Variants in NAALADL2 observed in about 807,000 individuals in gnomAD.
NAALADL2 encodes the protein inactive N-acetylated-alpha-linked acidic dipeptidase-like protein 2.
NAALADL2 carries 76 observed loss-of-function variants against 87.2 expected under a neutral mutation model. The observed-to-expected ratio is 0.87, with a 90% confidence interval of 0.72 to 1.05. The LOEUF (loss-of-function observed/expected upper bound fraction) is 1.05. NAALADL2 is among the 50% of genes least tolerant of loss of function. The pLI is 0.00. For synonymous variants in NAALADL2, 354 were observed against 331.0 expected, an observed-to-expected ratio of 1.07 and a Z score of -0.75; for missense variants, 1,089 against 945.8, an observed-to-expected ratio of 1.15 and a Z score of -1.99.
intron 1 of NAALADL2, among the ~76,000 whole-genome samples, chr3:174,922,989 G>C (rs934816803): frequency 6.6e-6 from 1 of 152,010 alleles, no homozygotes; most frequent in African/African-American, 2.4e-5. Context: ...AGTATCTTTG[G>C]GGAGATACTT....
chr3:174,813,016 C>A (rs921128142), intron 3 of NAALADL2, among the ~76,000 whole-genome samples: 4 of 151,960 alleles, frequency 2.6e-5, no homozygotes, highest in Non-Finnish European at 5.9e-5. Context: ...TTTAGTGTAG[C>A]CCAAATGTAC....
intron 1 of NAALADL2, among the ~76,000 whole-genome samples, chr3:174,948,278 G>A (rs1739774547): frequency 6.6e-6 from 1 of 152,112 alleles, no homozygotes; most frequent in African/African-American, 2.4e-5. Context: ...CCGGGTTGAA[G>A]CAGTTCTCTT....
intron 3 of NAALADL2, among the ~76,000 whole-genome samples, chr3:174,740,839 A>G (rs1733693674): frequency 6.6e-6 from 1 of 151,766 alleles, no homozygotes; most frequent in South Asian, 2.1e-4. Context: ...GCTGCCAGAG[A>G]TTTTCTAACA....
At chr3:174,979,600 C>A (rs966798533) in intron 1 of NAALADL2, among the ~76,000 whole-genome samples, 1 of 152,074 alleles carries the variant, frequency 6.6e-6, no homozygotes, top group South Asian at 2.1e-4. Context: ...CCACCACACC[C>A]AGCCCATTTT....
chr3:175,221,442 T>C (rs377169508), intron 2 of NAALADL2, among the ~76,000 whole-genome samples: 1 of 152,150 alleles, frequency 6.6e-6, no homozygotes, highest in Non-Finnish European at 1.5e-5. Context: ...TGTGCACTTA[T>C]AAAGTTATTG....
intron 4 of NAALADL2, among the ~76,000 whole-genome samples, chr3:175,317,283 G>A (rs1014529279): frequency 3.3e-5 from 5 of 151,822 alleles, no homozygotes; most frequent in African/African-American, 9.7e-5. Flanking sequence ...AATAGTTATT[G>A]TACTTACCTT....
At chr3:174,908,372 C>T (rs115405318) in intron 1 of NAALADL2, among the ~76,000 whole-genome samples, 1 of 152,020 alleles carries the variant, frequency 6.6e-6, no homozygotes, top group African/African-American at 2.4e-5. Context: ...ATCAAGCACG[C>T]CAGATGGAAA....
At position 174,463,819 on chromosome 3, in the gene NAALADL2, C is replaced by A. The variant is rs904819653; in HGVS notation, c.-184+22787C>A. ...ATTTCACCGTGTTAGCCAGGATGGT[C>A]TTGATCTCGACCTTGTGATCCGCCT... is the stretch of plus-strand genomic sequence containing the variant. On this transcript the variant is annotated intron_variant, in intron 1 of 3. Coordinates refer to the NAALADL2 transcript ENST00000434257. 5.3e-5 allele frequency among the ~76,000 whole-genome samples: 8 copies of A among 152,080 alleles called. No individual in the cohort carries two copies. In the East Asian group the frequency reaches 1.5e-3, roughly 29 times the overall value.
intron 2 of NAALADL2, among the ~76,000 whole-genome samples, chr3:175,213,163 T>A (rs1742017920): frequency 6.6e-6 from 1 of 152,176 alleles, no homozygotes; most frequent in Non-Finnish European, 1.5e-5. Context: ...AGAGGCTAAA[T>A]AACTTGTCCA....
At position 175,810,004 on chromosome 3, in the gene NAALADL2, G is replaced by A. The variant is rs1283607662; in HGVS notation, c.*6801G>A. 1.3e-5 allele frequency: 2 copies of A among 152,012 alleles called. No homozygotes were observed. Among genetic ancestry groups the A allele is most frequent in the Non-Finnish European group, 2.9e-5 (2 of 67,964 alleles). The allele number at this position is 152,012 out of a possible 1,614,324, so 9.4% of individuals were successfully genotyped here. A position where few individuals can be genotyped will look rare whatever the true frequency, so the allele number is the denominator to read the frequency against. ...AGAGGTGTCCCAATTACTAAATTAT[G>A]TTGAACTGTTGTGGTGTTTAGCCTT... On this transcript the variant is annotated 3_prime_UTR_variant, in exon 14 of 14. Transcript: ENST00000454872.
chr3:174,971,854 C>T (rs886643460), intron 1 of NAALADL2, among the ~76,000 whole-genome samples: 11 of 152,202 alleles, frequency 7.2e-5, no homozygotes, highest in South Asian at 4.2e-4. Context: ...CATGCCACGA[C>T]GCCCAGCTAA....
chr3:174,667,827 AAAG>A (rs900649760), intron 2 of NAALADL2, among the ~76,000 whole-genome samples: 3 of 152,278 alleles, frequency 2.0e-5, no homozygotes, highest in Non-Finnish European at 2.9e-5. Context: ...GAATTGGAAA[AAAG>A]AAGAGAAAAT....
At chr3:175,639,318 C>CTTTTTTTTTTTTTTTTTTTTTTTT (rs756214274) in intron 11 of NAALADL2, among the ~76,000 whole-genome samples, 3 of 108,764 alleles carry the variant, frequency 2.8e-5, no homozygotes, top group African/African-American at 1.2e-4. Context: ...AAGCGTTATT[C>CTTTTTTTTTTTTTTTTTTTTTTTT]TTTTTTTTTT....
chr3:175,596,427 G>A (rs1044777106), intron 10 of NAALADL2, among the ~76,000 whole-genome samples: 3 of 151,886 alleles, frequency 2.0e-5, no homozygotes, highest in African/African-American at 7.2e-5. Context: ...CTCACAGAAG[G>A]CACGTCCTTA....
At chr3:175,531,909 G>T (rs895428365) in intron 9 of NAALADL2, among the ~76,000 whole-genome samples, 1 of 152,190 alleles carries the variant, frequency 6.6e-6, no homozygotes, top group African/African-American at 2.4e-5. Context: ...CATCTTTCAC[G>T]TCCTTGATGG....
At chr3:175,134,085 C>G (rs1319184964) in intron 2 of NAALADL2, among the ~76,000 whole-genome samples, 1 of 152,166 alleles carries the variant, frequency 6.6e-6, no homozygotes, top group Non-Finnish European at 1.5e-5. Flanking sequence ...TTCACACACA[C>G]ACATTTGCAG....
intron 1 of NAALADL2, among the ~76,000 whole-genome samples, chr3:174,499,635 G>A (rs995020850): frequency 1.3e-5 from 2 of 151,174 alleles, no homozygotes; most frequent in African/African-American, 2.5e-5. Flanking sequence ...TTCTTTTTGT[G>A]TATGGATTTT....
chr3:175,072,514 CTT>C (rs919086394), intron 1 of NAALADL2, among the ~76,000 whole-genome samples: 1 of 151,478 alleles, frequency 6.6e-6, no homozygotes, highest in Admixed American at 6.6e-5. Context: ...TATTCCCTCT[CTT>C]GATTCTATAT....
chr3:175,027,548 G>A (rs917786118), intron 1 of NAALADL2, among the ~76,000 whole-genome samples: 4 of 152,170 alleles, frequency 2.6e-5, no homozygotes, highest in East Asian at 1.9e-4. Flanking sequence ...TCTAATAACC[G>A]TGATGATACC....
Sources: gnomAD v4.1 joint callset for allele counts (sites outside exome capture counted in the v4.1 genomes callset) on GRCh38, gnomAD v4.1.1 for gene constraint, MANE v1.5 for transcripts, NCBI Gene and HGNC (gene_info 2026-07-23, HGNC 2026-07-21) for gene names.